SP140: variants seen among roughly 807,000 people sequenced by gnomAD.
SP140 encodes the protein nuclear body protein SP140.
A neutral mutation model predicts 125.0 loss-of-function variants in SP140; 81 were observed. The observed-to-expected ratio is 0.65, with a 90% CI of 0.54 to 0.78. SP140 has a LOEUF of 0.78. Ranked by LOEUF, SP140 falls within the 30% of genes least tolerant of loss-of-function variation. The probability of loss-of-function intolerance (pLI) is 0.00; values close to 1 mark genes in which losing one functional copy is unlikely to be tolerated. For missense variants in SP140, 858 were observed against 1,037.0 expected (o/e 0.83, Z 2.37); for synonymous variants, 312 against 354.0 (o/e 0.88, Z 1.33).
At chr2:230,290,648 C>A in intron 19 of SP140, 84 bp downstream of exon 19, 4 of 1,168,812 alleles carry the variant, frequency 3.4e-6, no homozygotes, top group Non-Finnish European at 5.0e-6. Context: ...AATTACACAT[C>A]ATTCAAGGAG....
chr2:230,270,056 C>A, intron 14 of SP140, 103 bp downstream of exon 14: 3 of 753,338 alleles, frequency 4.0e-6, no homozygotes, highest in African/African-American at 1.7e-5. Flanking sequence ...ATTCTATTCT[C>A]CGCATTTGCT....
rs2048205589 is a variant in SP140 at position 230,237,852 on chromosome 2, T to C, written c.238-361T>C. Among the ~76,000 whole-genome samples, 1 of 152,188 alleles carries C rather than the reference T, an allele frequency of 6.6e-6. No homozygotes were observed. The highest frequency in any genetic ancestry group is 2.4e-5 in the African/African-American group (1 of 41,450). On this transcript the variant is annotated intron_variant, in intron 2 of 26. Coordinates refer to ENST00000392045, the MANE Select transcript of SP140 (RefSeq NM_007237.5). This position sits in a 1 kb window ranked among gnomAD's most constrained non-coding sequence, Gnocchi z 5.4. ...TCATAGTGGGGGCTGGTTGATTGGT[T>C]TCCTGGAGCTCGTCAGGCCAGGCCA...
Position 230,248,073 on chromosome 2 carries a change from C to G in SP140, c.892+8C>G. The stretch of plus-strand genomic sequence containing the variant: ...CAGAGGGAAGAGACAAAGGTAGGAA[C>G]AGAAGAAGCAGAGACATGTGTCAAG... On this transcript the variant is annotated splice_region_variant and intron_variant, in intron 8 of 26. Transcript: ENST00000392045. 6.2e-7 allele frequency: 1 copy of G among 1,612,346 alleles called. No homozygotes were observed. The highest frequency in any genetic ancestry group is 8.5e-7 in the Non-Finnish European group (1 of 1,179,204).
chr2:230,252,127 A>T (rs1360105694), intron 10 of SP140, among the ~76,000 whole-genome samples: 1 of 151,924 alleles, frequency 6.6e-6, no homozygotes, highest in Non-Finnish European at 1.5e-5. Context: ...AATTATTGAG[A>T]GTTAGAAAGT....
chr2:230,202,337 A>G (rs2043264509), upstream of SP140, among the ~76,000 whole-genome samples: 1 of 152,144 alleles, frequency 6.6e-6, no homozygotes, highest in South Asian at 2.1e-4. Context: ...TGAGACCAAA[A>G]AATTTGAGAG....
chr2:230,190,004 C>T, the SP140 span, among the ~76,000 whole-genome samples: 2 of 152,150 alleles, frequency 1.3e-5, no homozygotes, highest in Admixed American at 6.5e-5. Context: ...AATACTGCTG[C>T]GATAAACATA....
the SP140 span, among the ~76,000 whole-genome samples, chr2:230,197,022 T>C: frequency 1.3e-5 from 2 of 152,216 alleles, no homozygotes; most frequent in Non-Finnish European, 2.9e-5. Context: ...TGTGTCTTTA[T>C]AGCAGCATGA....
Position 230,247,928 on chromosome 2 carries a change from A to G in SP140, c.755A>G (p.Asn252Ser). ...LPYDTEVLES[N>S]GMIDAARTYS... ...TTTTGATCCCTAGTTCTAGAAAGCA[A>G]CGGGATGATAGATGCGGCAAGGACA... Residue 252 changes from asparagine to serine, a missense_variant, in exon 8 of 27, where the codon AAC becomes AGC. By Grantham distance (46) the Asn-to-Ser change is conservative. Coordinates refer to ENST00000392045, the MANE Select transcript of SP140 (RefSeq NM_007237.5). 6.2e-7 allele frequency: 1 copy of G among 1,613,576 alleles called. No homozygotes were observed. The highest frequency in any genetic ancestry group is 8.5e-7 in the Non-Finnish European group (1 of 1,179,724).
chr2:230,297,483 A>G, intron 22 of SP140, 21 bp downstream of exon 22: 3 of 1,612,706 alleles, frequency 1.9e-6, no homozygotes, highest in Non-Finnish European at 2.5e-6. Context: ...ATTCTGAACT[A>G]CGACCCCCAG....
At chr2:230,251,085 C>T (rs2050286275) in intron 10 of SP140, 24 bp downstream of exon 10, 1 of 1,596,378 alleles carries the variant, frequency 6.3e-7, no homozygotes, top group Non-Finnish European at 8.6e-7. Flanking sequence ...GGATTTCTGG[C>T]CCTGGGCTGC....
chr2:230,214,595 T>C (rs1229052063), intron 3 of SP140, among the ~76,000 whole-genome samples: 4 of 152,254 alleles, frequency 2.6e-5, no homozygotes, highest in African/African-American at 9.6e-5. Flanking sequence ...CATTCATTTT[T>C]TCTTCCTCCC....
chr2:230,188,459 C>T, the SP140 span, among the ~76,000 whole-genome samples: 2 of 151,946 alleles, frequency 1.3e-5, no homozygotes, highest in African/African-American at 4.8e-5. Context: ...ATTTCTTTTC[C>T]AATTTGGATG....
At chr2:230,251,832 G>T (rs750569352) in intron 10 of SP140, among the ~76,000 whole-genome samples, 1 of 152,104 alleles carries the variant, frequency 6.6e-6, no homozygotes, top group Non-Finnish European at 1.5e-5. Context: ...TTTAGGCAGG[G>T]AAAGTGCTGT....
chr2:230,211,382 G>T lies in SP140; in HGVS notation c.-322-2272G>T. 3.5e-6 allele frequency: 3 copies of T among 859,616 alleles called. No homozygotes were observed. The highest frequency in any genetic ancestry group is 2.4e-5 in the East Asian group (1 of 41,412). 53.2% of individuals were successfully genotyped at this position (859,616 alleles called of 1,614,324 possible). On this transcript the variant is annotated intron_variant, in intron 1 of 4. Coordinates refer to the SP140 transcript ENST00000456542. The surrounding 1 kb of genome is among the most constrained non-coding windows in gnomAD (Gnocchi z 4.2). ...AAGATTGCTGAGAGGCAGGAGGAGA[G>T]CCCCCTCTCTAGAAGATCCGAATGG...
the SP140 span, among the ~76,000 whole-genome samples, chr2:230,194,118 G>A: frequency 1.3e-5 from 2 of 152,094 alleles, no homozygotes; most frequent in African/African-American, 4.8e-5. Flanking sequence ...CCCCAAGATT[G>A]AGGCATGCTG....
At chr2:230,198,105 T>C in the SP140 span, among the ~76,000 whole-genome samples, 1 of 136,862 alleles carries the variant, frequency 7.3e-6, no homozygotes, top group African/African-American at 2.9e-5. Context: ...TGTAGGACAA[T>C]AGGACCCTCT....
chr2:230,314,692 C>A (rs1419218031), downstream of SP140, among the ~76,000 whole-genome samples: 1 of 152,214 alleles, frequency 6.6e-6, no homozygotes, highest in African/African-American at 2.4e-5. Flanking sequence ...AATGACTCTG[C>A]ACTCTACAAC....
chr2:230,306,708 C>T (rs2396742), intron 22 of SP140, among the ~76,000 whole-genome samples: 26,855 of 152,306 alleles, frequency 0.18, 2,815 homozygotes, highest in Non-Finnish European at 0.24. Context: ...CAGGCCCCTG[C>T]TGCCTGCACC....
In SP140 at chr2:230,294,318, G is replaced by T; in HGVS notation, c.2016G>T (p.Lys672Asn). ...CAAGAATACGTTACAGGAAAAAAAA[G>T]GTGATTATTACATAGCTTTATACAG... ...DPPRIRYRKK[K>N]RILKSQNNSS... The change falls in exon 21 of 27, where the codon AAG becomes AAT. Residue 672 changes from lysine (K) to asparagine (N), a missense_variant and splice_region_variant. By Grantham distance (94) the Lys-to-Asn change is moderately conservative (BLOSUM62 0). Around this residue, in one of 4 missense-constraint regions of SP140, gnomAD observed 791 missense variants for 869.5 expected, o/e 0.91. Transcript: ENST00000392045. 6.2e-7 allele frequency: 1 copy of T among 1,607,082 alleles called. No individual in the cohort carries two copies. Among genetic ancestry groups the T allele is most frequent in the South Asian group, 1.1e-5 (1 of 90,920 alleles).
Sources: gnomAD v4.1 joint callset for allele counts (sites outside exome capture counted in the v4.1 genomes callset) on GRCh38, gnomAD v4.1.1 for gene constraint, gnomAD v4.1.1 regional missense constraint, Gnocchi (gnomAD v3.1) non-coding constraint, MANE v1.5 for transcripts, NCBI Gene and HGNC (gene_info 2026-07-23, HGNC 2026-07-21) for gene names.